TRHDE: variants seen among roughly 807,000 people sequenced by gnomAD.
TRHDE encodes thyrotropin releasing hormone degrading enzyme.
A neutral mutation model predicts 125.7 loss-of-function variants in TRHDE; 72 were observed. The ratio of observed to expected loss-of-function variants is 0.57; its 90% CI spans 0.47 to 0.70. TRHDE has a LOEUF of 0.70. Among genes scored for constraint, TRHDE ranks in the 30% least tolerant of loss-of-function variants. The pLI is 0.00. For missense variants in TRHDE, 1,110 were observed against 1,327.1 expected (o/e 0.84, Z 2.54); for synonymous variants, 509 against 509.1 (o/e 1.00, Z 0.00).
chr12:72,211,292 T>C (rs1002581407), intron 2 of TRHDE, among the ~76,000 whole-genome samples: 8 of 152,146 alleles, frequency 5.3e-5, no homozygotes, highest in Non-Finnish European at 8.8e-5. Flanking sequence ...GATGAAGGGC[T>C]TCATAGTTCT....
chr12:72,371,790 A>G (rs921933318), intron 2 of TRHDE, among the ~76,000 whole-genome samples: 1 of 152,038 alleles, frequency 6.6e-6, no homozygotes, highest in African/African-American at 2.4e-5. Context: ...CCAATCTATC[A>G]TTGTTGGACA....
In TRHDE at chr12:72,575,617, A is replaced by T. The variant is rs191923275; in HGVS notation, c.2321+75A>T. On this transcript the variant is annotated intron_variant, in intron 12 of 18. Transcript: ENST00000261180. ...TCCTGTATTAAACTGCATAATATGTATATGTCTTTTATTTAGGACATTTAA... is the reference window on the plus strand; with the variant it reads ...TCCTGTATTAAACTGCATAATATGTTTATGTCTTTTATTTAGGACATTTAA... The T allele has an allele frequency of 2.1e-4, 280 of 1,313,140 alleles. 1 individual carries two copies. The highest frequency in any genetic ancestry group is 2.8e-4 in the Non-Finnish European group (256 of 915,666). The allele number at this position is 1,313,140 out of a possible 1,614,324, so 81.3% of individuals were successfully genotyped here.
At chr12:72,616,203 T>C (rs1241653972) in intron 12 of TRHDE, among the ~76,000 whole-genome samples, 5 of 152,108 alleles carry the variant, frequency 3.3e-5, no homozygotes, top group Non-Finnish European at 7.4e-5. Context: ...TTTGCTTTTA[T>C]TTTTTTCACA....
chr12:72,224,646 G>T (rs1878087434), intron 2 of TRHDE, among the ~76,000 whole-genome samples: 1 of 151,984 alleles, frequency 6.6e-6, no homozygotes. Flanking sequence ...TCACACTGGG[G>T]GTTCCCCTGG....
Position 72,273,468 on chromosome 12 carries a change from T to C in TRHDE, c.825T>C (p.Asn275=). The C allele has an allele frequency of 6.2e-7, 1 of 1,613,888 alleles. No individual in the cohort carries two copies. The highest frequency in any genetic ancestry group is 8.5e-7 in the Non-Finnish European group (1 of 1,180,014). ...ATAGGACACTGGACGCGCAGAGGAA[T>C]TACAATCTGAAGATTATCTACAACG... is the stretch of plus-strand genomic sequence containing the variant. ...VLNRTLDAQR[N]YNLKIIYNAL... Residue 275 remains asparagine (N), a synonymous_variant, in exon 1 of 19, where the codon AAT becomes AAC. Coordinates refer to ENST00000261180, the MANE Select transcript of TRHDE (RefSeq NM_013381.3). The surrounding 1 kb of genome is among the most constrained non-coding windows in gnomAD (Gnocchi z 5.3).
intron 2 of TRHDE, among the ~76,000 whole-genome samples, chr12:72,175,409 G>A (rs1303606922): frequency 2.0e-5 from 3 of 152,192 alleles, no homozygotes; most frequent in East Asian, 3.9e-4. Context: ...GGATTTGACA[G>A]CATCAAGTAA....
At chr12:72,254,818 AT>A (rs1878770591) in intron 2 of TRHDE, 1 of 152,168 alleles carries the variant, frequency 6.6e-6, no homozygotes, top group African/African-American at 2.4e-5. Context: ...TCTTTCTTGC[AT>A]CATCAAGATT....
At chr12:72,491,162 A>G (rs998661213) in intron 5 of TRHDE, among the ~76,000 whole-genome samples, 2 of 151,972 alleles carry the variant, frequency 1.3e-5, no homozygotes, top group South Asian at 4.1e-4. Flanking sequence ...AAGCAACTAA[A>G]AAAGAAATCC....
At chr12:72,662,249 A>T (rs1194160037) in intron 18 of TRHDE, among the ~76,000 whole-genome samples, 2 of 151,974 alleles carry the variant, frequency 1.3e-5, no homozygotes, top group African/African-American at 4.8e-5. Flanking sequence ...CACAATTGTT[A>T]GTTCATTGCC....
At chr12:72,186,782 T>A (rs1323837843) in intron 2 of TRHDE, among the ~76,000 whole-genome samples, 1 of 144,966 alleles carries the variant, frequency 6.9e-6, no homozygotes, top group Non-Finnish European at 1.5e-5. Flanking sequence ...GACATGGATC[T>A]TTTTTTTTTT....
rs1026396398 is a variant in TRHDE at position 72,422,442 on chromosome 12, A to G, written c.1315+44321A>G. 5.3e-5 allele frequency among the ~76,000 whole-genome samples: 8 copies of G among 152,220 alleles called. No individual in the cohort carries two copies. In the East Asian group the frequency reaches 9.6e-4, roughly 18 times the overall value. On this transcript the variant is annotated intron_variant, in intron 3 of 18. Transcript: ENST00000261180. ...AGTGACTGAGACATTTTGATTAACA[A>G]TCTATCTTTTCAATTCTAGCGTGTG...
chr12:72,236,435 C>T (rs1007903156), intron 2 of TRHDE, among the ~76,000 whole-genome samples: 3 of 149,834 alleles, frequency 2.0e-5, no homozygotes, highest in Admixed American at 2.0e-4. Flanking sequence ...TACATCATAT[C>T]TTGTAGCTGT....
In TRHDE at chr12:72,273,612, T is replaced by C; in HGVS notation, c.914+55T>C. The C allele has an allele frequency of 2.7e-6, 4 of 1,503,752 alleles. No homozygotes were observed. Among genetic ancestry groups the C allele is most frequent in the Non-Finnish European group, 3.6e-6 (4 of 1,123,212 alleles). The allele number at this position is 1,503,752 out of a possible 1,614,324, so 93.2% of individuals were successfully genotyped here. Reference sequence around the variant, plus strand: ...CCCACCCCGGCGCGCGGCTCGAACCTCTGGGCGGCCTGCGACCCCGGGGAC... The same window carrying C: ...CCCACCCCGGCGCGCGGCTCGAACCCCTGGGCGGCCTGCGACCCCGGGGAC... On this transcript the variant is annotated intron_variant, in intron 1 of 18. Transcript: ENST00000261180. This position sits in a 1 kb window ranked among gnomAD's most constrained non-coding sequence, Gnocchi z 5.3.
intron 10 of TRHDE, among the ~76,000 whole-genome samples, chr12:72,571,974 AACACACACACACACACACAC>A (rs59206098): frequency 7.8e-6 from 1 of 127,444 alleles, no homozygotes; most frequent in South Asian, 3.0e-4. Flanking sequence ...TGACTCTGCA[AACACACACACACACACACAC>A]ACACACACAC....
At chr12:72,315,433 T>C (rs1019031404) in intron 2 of TRHDE, among the ~76,000 whole-genome samples, 22 of 152,214 alleles carry the variant, frequency 1.4e-4, no homozygotes, top group African/African-American at 5.1e-4. Flanking sequence ...CAAGCAGCCA[T>C]CTGTGCCATA....
At chr12:72,580,873 C>A (rs11179261) in intron 12 of TRHDE, among the ~76,000 whole-genome samples, 40,227 of 151,832 alleles carry the variant, frequency 0.26, 7,970 homozygotes, top group East Asian at 0.54. Flanking sequence ...GTACGTAACT[C>A]ACTATATTCA....
intron 5 of TRHDE, among the ~76,000 whole-genome samples, chr12:72,479,715 G>T (rs1877072995): frequency 6.7e-6 from 1 of 149,194 alleles, no homozygotes; most frequent in Non-Finnish European, 1.5e-5. Flanking sequence ...ACAATGTGCA[G>T]GTTAGTTACA....
At chr12:72,526,644 G>A (rs1340261436) in intron 6 of TRHDE, among the ~76,000 whole-genome samples, 2 of 152,092 alleles carry the variant, frequency 1.3e-5, no homozygotes, top group Non-Finnish European at 1.5e-5. Flanking sequence ...CCTGTCCTCT[G>A]CCATAGTTCA....
intron 2 of TRHDE, among the ~76,000 whole-genome samples, chr12:72,245,331 A>G (rs939479110): frequency 1.3e-5 from 2 of 151,918 alleles, no homozygotes; most frequent in Admixed American, 6.6e-5. Flanking sequence ...AGATATAGAT[A>G]TAGATAAGAA....
Sources: gnomAD v4.1 joint callset for allele counts (sites outside exome capture counted in the v4.1 genomes callset) on GRCh38, gnomAD v4.1.1 for gene constraint, Gnocchi (gnomAD v3.1) non-coding constraint, MANE v1.5 for transcripts, NCBI Gene and HGNC (gene_info 2026-07-23, HGNC 2026-07-21) for gene names.